PCDHGA1: variants seen among roughly 807,000 people sequenced by gnomAD.
PCDHGA1 encodes the protein protocadherin gamma subfamily A, 1.
Under a neutral mutation model 58.0 loss-of-function variants are expected in PCDHGA1, and 32 were observed. The observed-to-expected ratio is 0.55, with a 90% CI of 0.42 to 0.74. The LOEUF (loss-of-function observed/expected upper bound fraction) is 0.74, where lower values mean the gene tolerates loss of function less well. Ranked by LOEUF, PCDHGA1 falls within the 30% of genes least tolerant of loss-of-function variation. PCDHGA1 has a pLI of 0.00. For missense variants in PCDHGA1, 1,205 were observed against 1,182.3 expected (o/e 1.02, Z -0.28); for synonymous variants, 498 against 501.1 (o/e 0.99, Z 0.08).
intron 1 of PCDHGA1, chr5:141,394,748 C>A: frequency 6.2e-7 from 1 of 1,613,414 alleles, no homozygotes. Flanking sequence ...TCGTGGTGGC[C>A]GTCCAGGACC....
chr5:141,467,055 C>CTT (rs1193465269), intron 1 of PCDHGA1, among the ~76,000 whole-genome samples: 5 of 134,496 alleles, frequency 3.7e-5, no homozygotes, highest in African/African-American at 5.4e-5. Context: ...TCAATGTTTT[C>CTT]TTTTTTTTTT....
chr5:141,477,438 C>T lies in PCDHGA1; in HGVS notation c.2422-17369C>T, dbSNP rs1386997844. On this transcript the variant is annotated intron_variant, in intron 1 of 3. Transcript: ENST00000517417. This position sits in a 1 kb window ranked among gnomAD's most constrained non-coding sequence, Gnocchi z 4.9. ...GGAACCCCTTCCCTCTCAGCCCTTA[C>T]AATAGTGCGTGTTCAAGTGTCCGAC... 6.2e-7 allele frequency: 1 copy of T among 1,614,174 alleles called. No homozygotes were observed. The highest frequency in any genetic ancestry group is 8.5e-7 in the Non-Finnish European group (1 of 1,180,030).
In PCDHGA1 at chr5:141,332,614, G is replaced by C. The variant is rs753325700; in HGVS notation, c.1930G>C (p.Val644Leu). ...AGACGCGCTCAAGCAGAGTCTCGTGGTGGCCGTCCAGGACCACGGCCAGCC... is the reference window on the plus strand; with the variant it reads ...AGACGCGCTCAAGCAGAGTCTCGTGCTGGCCGTCCAGGACCACGGCCAGCC... ...DRDALKQSLV[V>L]AVQDHGQPPL... Residue 644 changes from valine to leucine, a missense_variant, in exon 1 of 4, where the codon GTG (valine) becomes CTG (leucine). By Grantham distance (32) the Val-to-Leu change is conservative. Coordinates refer to ENST00000517417, the MANE Select transcript of PCDHGA1 (RefSeq NM_018912.3). This position sits in a 1 kb window ranked among gnomAD's most constrained non-coding sequence, Gnocchi z 4.6. The C allele has an allele frequency of 7.4e-6, 12 of 1,612,700 alleles. No homozygotes were observed. Among genetic ancestry groups the C allele is most frequent in the Admixed American group, 3.3e-5 (2 of 59,994 alleles).
chr5:141,423,648 G>T, intron 1 of PCDHGA1: 1 of 1,590,008 alleles, frequency 6.3e-7, no homozygotes, highest in Admixed American at 1.8e-5. Context: ...AATGTGACCC[G>T]ACAAGTAATC....
intron 3 of PCDHGA1, among the ~76,000 whole-genome samples, chr5:141,509,636 C>T (rs1199892148): frequency 6.6e-6 from 1 of 152,164 alleles, no homozygotes; most frequent in Non-Finnish European, 1.5e-5. Context: ...TGATGCTGAG[C>T]CAGGGCCAGA....
At chr5:141,427,861 T>G (rs776215800) in intron 1 of PCDHGA1, 2 of 1,556,958 alleles carry the variant, frequency 1.3e-6, no homozygotes, top group Admixed American at 1.7e-5. Flanking sequence ...CTGTGCGCCT[T>G]CGAGCTCACG....
intron 1 of PCDHGA1, among the ~76,000 whole-genome samples, chr5:141,349,629 T>C (rs912164191): frequency 2.6e-5 from 4 of 152,136 alleles, no homozygotes; most frequent in Non-Finnish European, 5.9e-5. Context: ...TGATAACATA[T>C]ATATGGAGAG....
At chr5:141,404,399 G>T (rs1269569845) in intron 1 of PCDHGA1, 2 of 1,613,778 alleles carry the variant, frequency 1.2e-6, no homozygotes, top group African/African-American at 1.3e-5. Context: ...TGATAGCAAT[G>T]AGAATTCTAG....
At chr5:141,452,490 C>A (rs2098742307) in intron 1 of PCDHGA1, among the ~76,000 whole-genome samples, 1 of 152,188 alleles carries the variant, frequency 6.6e-6, no homozygotes, top group East Asian at 1.9e-4. Flanking sequence ...TAAACACACC[C>A]ATATTTATAT....
chr5:141,399,719 G>C (rs773556952), intron 1 of PCDHGA1: 1 of 1,613,286 alleles, frequency 6.2e-7, no homozygotes, highest in Non-Finnish European at 8.5e-7. Context: ...CTACAGGCCC[G>C]CGACCAGGGC....
rs1239203203 is a variant in PCDHGA1 at position 141,403,933 on chromosome 5, G to T, written c.2421+70828G>T. 1.7e-5 allele frequency: 27 copies of T among 1,613,792 alleles called. No homozygotes were observed. The highest frequency in any genetic ancestry group is 1.6e-4 in the African/African-American group (12 of 74,902). ...TACAAGCTGAAGATGGTGGGGGATT[G>T]AAAGGGTGGACAAAAGTGCTCATTT... On this transcript the variant is annotated intron_variant, in intron 1 of 3. Transcript: ENST00000517417.
At chr5:141,395,992 T>G (rs915228194) in intron 1 of PCDHGA1, 3 of 152,184 alleles carry the variant, frequency 2.0e-5, no homozygotes, top group African/African-American at 7.2e-5. Context: ...TAAAATGTAA[T>G]TTTAAACTGT....
In PCDHGA1 at chr5:141,415,715, T is replaced by G. The variant is rs1051923200; in HGVS notation, c.2422-79092T>G. 4 of 1,428,132 alleles carry G rather than the reference T, an allele frequency of 2.8e-6. No individual in the cohort carries two copies. In the African/African-American group the frequency reaches 4.5e-5, roughly 16 times the overall value. The allele number at this position is 1,428,132 out of a possible 1,614,324, so 88.5% of individuals were successfully genotyped here. Reference sequence around the variant, plus strand: ...GAAAGTGTAAATGCTAAAACACTGATGAGTAGAATTTGATGTTTATTAAGG... The same window carrying G: ...GAAAGTGTAAATGCTAAAACACTGAGGAGTAGAATTTGATGTTTATTAAGG... On this transcript the variant is annotated intron_variant, in intron 1 of 3. Transcript: ENST00000517417.
At chr5:141,359,215 T>C (rs758756538) in intron 1 of PCDHGA1, among the ~76,000 whole-genome samples, 3 of 152,162 alleles carry the variant, frequency 2.0e-5, no homozygotes, top group Non-Finnish European at 4.4e-5. Flanking sequence ...AGAGACAACT[T>C]ACATCTGAGG....
intron 1 of PCDHGA1, chr5:141,367,477 C>A (rs1199717010): frequency 6.6e-6 from 1 of 152,048 alleles, no homozygotes; most frequent in Non-Finnish European, 1.5e-5. Context: ...GAGGAGCTTG[C>A]AGTAAGCCGA....
rs2099883762 is a variant in PCDHGA1, at chr5:141,511,396, C to T, written c.*223C>T. 9.8e-7 allele frequency: 1 copy of T among 1,016,834 alleles called. No homozygotes were observed. Among genetic ancestry groups the T allele is most frequent in the South Asian group, 1.7e-5 (1 of 58,996 alleles). The allele number at this position is 1,016,834 out of a possible 1,614,324, so 63.0% of individuals were successfully genotyped here. ...AAGCAGTTCCGCTGGGAACCCCCAT[C>T]CAATCAACTGCTGTACCCATGGGGG... On this transcript the variant is annotated 3_prime_UTR_variant, in exon 4 of 4. Coordinates refer to ENST00000517417, the MANE Select transcript of PCDHGA1 (RefSeq NM_018912.3).
At chr5:141,427,526 G>A (rs956426158) in intron 1 of PCDHGA1, 2 of 612,866 alleles carry the variant, frequency 3.3e-6, no homozygotes, top group Middle Eastern at 2.6e-4. Context: ...AGCGGATCCC[G>A]GAGTACAACG....
chr5:141,339,142 G>T (rs771360423), intron 1 of PCDHGA1: 1 of 1,614,220 alleles, frequency 6.2e-7, no homozygotes, highest in Non-Finnish European at 8.5e-7. Context: ...TGGAGCCCCT[G>T]GCACTGGCAG....
intron 1 of PCDHGA1, chr5:141,342,567 T>C (rs1757182021): frequency 6.6e-6 from 1 of 152,248 alleles, no homozygotes; most frequent in African/African-American, 2.4e-5. Context: ...AGACAAGGTG[T>C]TGTTTTGGTT....
Sources: gnomAD v4.1 joint callset for allele counts (sites outside exome capture counted in the v4.1 genomes callset) on GRCh38, gnomAD v4.1.1 for gene constraint, Gnocchi (gnomAD v3.1) non-coding constraint, MANE v1.5 for transcripts, NCBI Gene and HGNC (gene_info 2026-07-23, HGNC 2026-07-21) for gene names.